The following TJP2 variants were observed in gnomAD, a reference collection of about 807,000 sequenced individuals.
TJP2 encodes the protein Friedreich ataxia region gene X104 (tight junction protein ZO-2).
A neutral mutation model predicts 133.1 loss-of-function variants in TJP2; 91 were observed. The ratio of observed to expected loss-of-function variants is 0.68; its 90% CI spans 0.58 to 0.81. TJP2 has a LOEUF of 0.81. Among genes scored for constraint, TJP2 ranks in the 40% least tolerant of loss-of-function variants. TJP2 has a pLI of 0.00. For synonymous variants in TJP2, 592 were observed against 583.4 expected (o/e 1.01, Z -0.21); for missense variants, 1,541 against 1,565.6 (o/e 0.98, Z 0.26).
At position 69,221,173 on chromosome 9, in the gene TJP2, C is replaced by G. The variant is rs773909292; in HGVS notation, c.629C>G (p.Ala210Gly). Residue 210 changes from alanine (A) to glycine (G), a missense_variant, in exon 5 of 23, where the codon GCG (alanine) becomes GGG (glycine). By Grantham distance (60) the Ala-to-Gly change is moderately conservative (BLOSUM62 0). Coordinates refer to ENST00000377245, the MANE Select transcript of TJP2 (RefSeq NM_004817.4). ...GAGCGGGGCCTGGACCAAGACCATG[C>G]GCGCACCCGAGACCGCAGCCGTGGC... ...SLERGLDQDH[A>G]RTRDRSRGRS... 1.9e-5 allele frequency: 30 copies of G among 1,593,322 alleles called. No homozygotes were observed. The Admixed American group carries it at 4.8e-4, about 25-fold the overall frequency.
intron 1 of TJP2, among the ~76,000 whole-genome samples, chr9:69,198,745 A>T (rs1327500389): frequency 3.3e-5 from 5 of 152,222 alleles, no homozygotes; most frequent in East Asian, 1.9e-4. Context: ...AAGGGAGGGT[A>T]AGGAGCTGGT....
At chr9:69,227,693 A>C (rs1829453000) in intron 7 of TJP2, 72 bp from the exon 8 acceptor site, 6 of 1,032,686 alleles carry the variant, frequency 5.8e-6, no homozygotes, top group Non-Finnish European at 8.8e-6. Context: ...CCCAGAGAAT[A>C]GTGCAATTTC....
At chr9:69,225,776 A>AC (rs1379740907) in intron 6 of TJP2, among the ~76,000 whole-genome samples, 1 of 152,190 alleles carries the variant, frequency 6.6e-6, no homozygotes, top group Non-Finnish European at 1.5e-5. Context: ...CCAGTAGTAA[A>AC]CCAAACCGTT....
At chr9:69,129,516 CA>C (rs373965068) in intron 1 of TJP2, among the ~76,000 whole-genome samples, 3,697 of 149,772 alleles carry the variant, frequency 0.025, 154 homozygotes, top group African/African-American at 0.085. Flanking sequence ...TCGCAAAAAA[CA>C]AAAAAAAACC....
At chr9:69,172,075 A>G (rs970328757), upstream of TJP2, among the ~76,000 whole-genome samples, 2 of 152,202 alleles carry the variant, frequency 1.3e-5, no homozygotes, top group Non-Finnish European at 1.5e-5. Context: ...GATTACAGGC[A>G]TGAGCCACCG....
intron 2 of TJP2, among the ~76,000 whole-genome samples, chr9:69,155,481 C>T (rs1003836805): frequency 6.6e-6 from 1 of 152,236 alleles, no homozygotes; most frequent in Non-Finnish European, 1.5e-5. Flanking sequence ...ATTCCTGGGC[C>T]CCACCCCCAG....
In TJP2 at chr9:69,237,931, GA is replaced by G; in HGVS notation, c.2238del (p.Lys746AsnfsTer31). On this transcript the variant is annotated frameshift_variant, in exon 15 of 23. Transcript: ENST00000377245. LOFTEE classifies it high-confidence loss of function. ...CGGCCCCATAGCTGATATAGCAATGGAAAAATTGGCTAATGAGTTACCTGAC... is the reference window on the plus strand; with the variant it reads ...CGGCCCCATAGCTGATATAGCAATGGAAAATTGGCTAATGAGTTACCTGAC... ...LFGPIADIAMEKLANELPDWF... is the reference protein window; with the variant it reads ...LFGPIADIAMXKLANELPDWF... 6.2e-7 allele frequency: 1 copy of G among 1,613,830 alleles called. No homozygotes were observed. The highest frequency in any genetic ancestry group is 8.5e-7 in the Non-Finnish European group (1 of 1,179,882).
rs112917902 is a variant in TJP2 at position 69,249,437 on chromosome 9, A to G, written c.2943A>G (p.Gln981=). 1 of 1,611,672 alleles carries G rather than the reference A, an allele frequency of 6.2e-7. No individual in the cohort carries two copies. Among genetic ancestry groups the G allele is most frequent in the Non-Finnish European group, 8.5e-7 (1 of 1,178,754 alleles). ...AQMRRAASSD[Q]LRDNSPPPAF... is the part of the protein sequence containing the mutation. ...TGAGGAGGGCTGCTAGCAGCGATCA[A>G]CTTAGGGACAATAGCCCGCCCCCAG... is the stretch of plus-strand genomic sequence containing the variant. The change falls in exon 20 of 23, where the codon CAA becomes CAG. Residue 981 remains glutamine (Q), a synonymous_variant. Transcript: ENST00000377245.
intron 2 of TJP2, among the ~76,000 whole-genome samples, chr9:69,155,010 G>A (rs531723183): frequency 2.9e-4 from 44 of 151,870 alleles, no homozygotes; most frequent in Middle Eastern, 6.8e-3. Flanking sequence ...CTGAGGTCAG[G>A]AGTTCCAGAC....
At chr9:69,227,694 G>A in intron 7 of TJP2, 71 bp from the exon 8 acceptor site, 1 of 1,067,370 alleles carries the variant, frequency 9.4e-7, no homozygotes, top group Non-Finnish European at 1.4e-6. Context: ...CCAGAGAATA[G>A]TGCAATTTCT....
chr9:69,236,180 T>C lies in TJP2; in HGVS notation c.1933T>C (p.Trp645Arg). The change falls in exon 13 of 23, where the codon TGG (tryptophan) becomes CGG (arginine). Residue 645 changes from tryptophan to arginine, a missense_variant. Transcript: ENST00000377245. The stretch of plus-strand genomic sequence containing the variant: ...ACTGTATGACGGCAAGCTGGGCAAC[T>C]GGCTGGCTGTGAGGATTGGGAACGA... ...DTLYDGKLGNWLAVRIGNELE... is the reference protein window; with the variant it reads ...DTLYDGKLGNRLAVRIGNELE... 1 of 1,614,146 alleles carries C rather than the reference T, an allele frequency of 6.2e-7. No individual in the cohort carries two copies. The highest frequency in any genetic ancestry group is 8.5e-7 in the Non-Finnish European group (1 of 1,180,024).
chr9:69,189,408 G>A (rs1268414973), intron 1 of TJP2, among the ~76,000 whole-genome samples: 2 of 152,126 alleles, frequency 1.3e-5, no homozygotes, highest in African/African-American at 2.4e-5. Context: ...GTTTCTGTGG[G>A]CAGTCTAAGG....
chr9:69,244,336 C>G (rs1830781945), intron 17 of TJP2, among the ~76,000 whole-genome samples: 1 of 152,076 alleles, frequency 6.6e-6, no homozygotes, highest in Non-Finnish European at 1.5e-5. Context: ...CCCATTTCTC[C>G]CTTTCCCTAA....
intron 20 of TJP2, 93 bp from the exon 21 acceptor site, chr9:69,250,942 A>C: frequency 7.8e-7 from 1 of 1,278,990 alleles, no homozygotes; most frequent in Non-Finnish European, 1.1e-6. Flanking sequence ...ACCTTTGGAA[A>C]CTGATCAGGA....
chr9:69,206,031 CTCT>C (rs1269022741), intron 1 of TJP2, among the ~76,000 whole-genome samples: 7 of 152,028 alleles, frequency 4.6e-5, no homozygotes, highest in African/African-American at 1.4e-4. Flanking sequence ...TAGTTCCTTT[CTCT>C]TCTTTTGTCA....
In TJP2 at chr9:69,237,867, TG is replaced by T; in HGVS notation, c.2180-10del. 1 of 1,605,588 alleles carries T rather than the reference TG, an allele frequency of 6.2e-7. No individual in the cohort carries two copies. The highest frequency in any genetic ancestry group is 8.5e-7 in the Non-Finnish European group (1 of 1,172,394). On this transcript the variant is annotated splice_polypyrimidine_tract_variant and intron_variant, in intron 14 of 22. Coordinates refer to ENST00000377245, the MANE Select transcript of TJP2 (RefSeq NM_004817.4). ...GTGTGTATGCTTTAATGGCCTTTCT[TG>T]TCATTTCAGCTGGTTTCAAGAGACC...
chr9:69,177,793 A>G (rs780378363), intron 1 of TJP2, among the ~76,000 whole-genome samples: 1 of 151,794 alleles, frequency 6.6e-6, no homozygotes, highest in African/African-American at 2.4e-5. Context: ...TACAGAAGTG[A>G]GCCACCGTGC....
intron 2 of TJP2, among the ~76,000 whole-genome samples, chr9:69,214,901 T>C (rs1344316495): frequency 3.9e-5 from 6 of 152,032 alleles, no homozygotes; most frequent in African/African-American, 1.4e-4. Flanking sequence ...CATTTACTTC[T>C]TTTTCACTGT....
chr9:69,139,471 A>T (rs966854249), intron 1 of TJP2, among the ~76,000 whole-genome samples: 2 of 152,186 alleles, frequency 1.3e-5, no homozygotes, highest in Non-Finnish European at 2.9e-5. Flanking sequence ...TAATGTGAAG[A>T]CATAGAGAAA....
Sources: gnomAD v4.1 joint callset for allele counts (sites outside exome capture counted in the v4.1 genomes callset) on GRCh38, gnomAD v4.1.1 for gene constraint, MANE v1.5 for transcripts, NCBI Gene and HGNC (gene_info 2026-07-23, HGNC 2026-07-21) for gene names.